AFF2: variants seen among roughly 807,000 people sequenced by gnomAD.
The protein encoded by AFF2 is ALF transcription elongation factor 2, also known as AF4/FMR2 family member 2.
Under a neutral mutation model 76.9 loss-of-function variants are expected in AFF2, and 14 were observed. That is an observed-to-expected ratio of 0.18 (90% confidence interval 0.12 to 0.28). The LOEUF (loss-of-function observed/expected upper bound fraction) is 0.28. AFF2 is among the 10% of genes least tolerant of loss of function. The pLI is 1.00. For missense variants in AFF2, 868 were observed against 1,001.1 expected, an observed-to-expected ratio of 0.87 and a Z score of 1.79; for synonymous variants, 398 against 366.7, an observed-to-expected ratio of 1.09 and a Z score of -0.98.
chrX:148,907,299 C>T (rs147656526), intron 9 of AFF2, among the ~76,000 whole-genome samples: 1,408 of 112,208 alleles, frequency 0.013, 23 homozygotes, highest in African/African-American at 0.043. Flanking sequence ...TTCCAGGAAC[C>T]TAGCCTGCAG....
intron 9 of AFF2, among the ~76,000 whole-genome samples, chrX:148,940,269 T>C (rs1379162700): frequency 8.9e-6 from 1 of 111,927 alleles, no homozygotes; most frequent in Non-Finnish European, 1.9e-5. Context: ...GTCTACACTA[T>C]AATCCCTAAG....
chrX:148,958,708 A>G (rs73614059), intron 12 of AFF2, among the ~76,000 whole-genome samples: 1,853 of 111,357 alleles, frequency 0.017, 36 homozygotes, highest in African/African-American at 0.058. Flanking sequence ...TCTAATTCAG[A>G]TTTATCACTA....
chrX:148,742,768 A>C (rs1324937433), intron 3 of AFF2, among the ~76,000 whole-genome samples: 3 of 111,948 alleles, frequency 2.7e-5, no homozygotes, highest in Non-Finnish European at 5.6e-5. Context: ...GCTAAATATC[A>C]GTGGGTTATG....
intron 1 of AFF2, among the ~76,000 whole-genome samples, chrX:148,517,378 C>T (rs1603228057): frequency 8.9e-6 from 1 of 111,736 alleles, no homozygotes; most frequent in African/African-American, 3.3e-5. Context: ...GTCAAAACCA[C>T]AGCAAATCCA....
At chrX:148,644,950 A>G (rs1557255177) in intron 1 of AFF2, among the ~76,000 whole-genome samples, 3 of 112,185 alleles carry the variant, frequency 2.7e-5, no homozygotes. Flanking sequence ...ACCAAGTGAT[A>G]GAAGAAATAT....
Position 148,601,841 on chromosome X carries a change from A to G in AFF2, c.48-50158A>G, listed in dbSNP as rs1314628778. ...ATGTTTTGTTAAATCCTATGTCTCC[A>G]TTCAATAATGGTTTTATTGTGCTCA... On this transcript the variant is annotated intron_variant, in intron 1 of 20. Transcript: ENST00000370460. Among the ~76,000 whole-genome samples, 4 of 112,156 alleles carry G rather than the reference A, an allele frequency of 3.6e-5. No individual in the cohort carries two copies. The Admixed American group carries it at 3.8e-4, about 11-fold the overall frequency.
At chrX:148,876,195 C>G (rs987352450) in intron 7 of AFF2, among the ~76,000 whole-genome samples, 2 of 111,763 alleles carry the variant, frequency 1.8e-5, no homozygotes, top group African/African-American at 6.5e-5. Flanking sequence ...GTGATTCCTA[C>G]GTGCTAGGGG....
intron 3 of AFF2, among the ~76,000 whole-genome samples, chrX:148,791,337 G>T (rs979743679): frequency 2.7e-5 from 3 of 111,556 alleles, no homozygotes; most frequent in Non-Finnish European, 5.6e-5. Context: ...CATGTACAGG[G>T]GAACTCCCCG....
intron 3 of AFF2, among the ~76,000 whole-genome samples, chrX:148,672,208 A>G (rs188190839): frequency 2.7e-5 from 3 of 112,499 alleles, no homozygotes; most frequent in Admixed American, 1.9e-4. Flanking sequence ...GAAAGAAAAT[A>G]ATCTCTAATT....
At chrX:148,926,788 G>A (rs191407266) in intron 9 of AFF2, among the ~76,000 whole-genome samples, 41 of 111,853 alleles carry the variant, frequency 3.7e-4, no homozygotes, top group African/African-American at 1.2e-3. Context: ...ATCCATATTC[G>A]TTGATTTTCG....
At chrX:148,639,807 T>A (rs1307346620) in intron 1 of AFF2, among the ~76,000 whole-genome samples, 1 of 111,737 alleles carries the variant, frequency 8.9e-6, no homozygotes, top group East Asian at 2.8e-4. Flanking sequence ...ATTGGTAGGA[T>A]GTGGGCTGTA....
intron 1 of AFF2, among the ~76,000 whole-genome samples, chrX:148,630,576 A>G (rs542812600): frequency 9.0e-6 from 1 of 111,513 alleles, no homozygotes; most frequent in East Asian, 2.9e-4. Flanking sequence ...TAGAACGTTT[A>G]GGACGTTTCT....
chrX:148,813,341 C>G (rs2070226783), intron 4 of AFF2, among the ~76,000 whole-genome samples: 1 of 112,035 alleles, frequency 8.9e-6, no homozygotes, highest in Admixed American at 9.5e-5. Flanking sequence ...CAGTAGCTGA[C>G]ATTTCCAGCA....
At chrX:148,601,482 TC>T (rs1603255013) in intron 1 of AFF2, among the ~76,000 whole-genome samples, 1 of 112,102 alleles carries the variant, frequency 8.9e-6, no homozygotes, top group Non-Finnish European at 1.9e-5. Context: ...CTCTTTCCCA[TC>T]CTTTAAGATC....
intron 3 of AFF2, among the ~76,000 whole-genome samples, chrX:148,777,372 G>GT (rs1371002584): frequency 8.9e-6 from 1 of 111,920 alleles, no homozygotes; most frequent in East Asian, 2.8e-4. Context: ...ATTTAAAGTA[G>GT]TTTTTTCTAA....
At chrX:148,788,334 A>G (rs1258417654) in intron 3 of AFF2, among the ~76,000 whole-genome samples, 1 of 112,538 alleles carries the variant, frequency 8.9e-6, no homozygotes, top group Non-Finnish European at 1.9e-5. Flanking sequence ...AAAATGAAGC[A>G]AGAACACTGT....
chrX:148,833,700 T>G (rs2070484970), intron 4 of AFF2, among the ~76,000 whole-genome samples: 1 of 112,044 alleles, frequency 8.9e-6, no homozygotes, highest in Admixed American at 9.4e-5. Flanking sequence ...ACAAGTCACT[T>G]TACCTCTTTG....
chrX:148,612,721 T>G (rs1324624298), intron 1 of AFF2, among the ~76,000 whole-genome samples: 1 of 111,853 alleles, frequency 8.9e-6, no homozygotes, highest in Non-Finnish European at 1.9e-5. Context: ...CAAGAGAATT[T>G]TCTGATTAGT....
At chrX:148,766,650 TAGG>T (rs1302999808) in intron 3 of AFF2, among the ~76,000 whole-genome samples, 2 of 109,410 alleles carry the variant, frequency 1.8e-5, no homozygotes, top group Non-Finnish European at 3.8e-5. Context: ...TCCCATTTTG[TAGG>T]TTGCCTGTTC....
Sources: allele counts gnomAD v4.1 joint callset (sites outside exome capture counted in the v4.1 genomes callset), GRCh38; gene constraint gnomAD v4.1.1; transcripts MANE v1.5; gene names NCBI Gene and HGNC (gene_info 2026-07-23, HGNC 2026-07-21).